CRPPA: variants seen among roughly 807,000 people sequenced by gnomAD.
CRPPA encodes D-ribitol-5-phosphate cytidylyltransferase.
CRPPA carries 43 observed loss-of-function variants against 52.0 expected under a neutral mutation model. That is an observed-to-expected ratio of 0.83 (90% confidence interval 0.65 to 1.07). CRPPA has a LOEUF of 1.07. Ranked by LOEUF, CRPPA falls within the 50% of genes least tolerant of loss-of-function variation. CRPPA has a pLI of 0.00. For missense variants in CRPPA, 629 were observed against 551.7 expected, an observed-to-expected ratio of 1.14 and a Z score of -1.40; for synonymous variants, 250 against 203.5, an observed-to-expected ratio of 1.23 and a Z score of -1.94.
At chr7:16,390,204 T>G (rs1011736532) in intron 2 of CRPPA, among the ~76,000 whole-genome samples, 1 of 151,908 alleles carries the variant, frequency 6.6e-6, no homozygotes, top group Non-Finnish European at 1.5e-5. Flanking sequence ...CTCCTCAATT[T>G]CCAGACTTCC....
intron 9 of CRPPA, among the ~76,000 whole-genome samples, chr7:16,201,144 T>C (rs143238977): frequency 2.0e-5 from 3 of 152,310 alleles, no homozygotes; most frequent in African/African-American, 7.2e-5. Context: ...TTAGTTTGAT[T>C]CAATTTCATA....
At chr7:16,280,962 C>G (rs1376114987) in intron 5 of CRPPA, among the ~76,000 whole-genome samples, 2 of 152,024 alleles carry the variant, frequency 1.3e-5, no homozygotes, top group South Asian at 2.1e-4. Flanking sequence ...AGAGGTTGCA[C>G]TGAGCCAAGA....
chr7:16,278,375 A>C (rs1784253919), intron 5 of CRPPA, 149 bp from the exon 6 acceptor site: 1 of 594,950 alleles, frequency 1.7e-6, no homozygotes, highest in East Asian at 2.8e-5. Context: ...ATCTGTGTAC[A>C]CACTGAGATG....
At chr7:16,242,429 C>G (rs1194095620) in intron 8 of CRPPA, among the ~76,000 whole-genome samples, 1 of 152,048 alleles carries the variant, frequency 6.6e-6, no homozygotes, top group East Asian at 1.9e-4. Context: ...ATGTTCATAT[C>G]ATATCTTTTG....
intron 3 of CRPPA, among the ~76,000 whole-genome samples, chr7:16,350,812 G>A (rs1310456036): frequency 6.6e-6 from 1 of 152,138 alleles, no homozygotes; most frequent in East Asian, 1.9e-4. Context: ...AAGGCGTAGA[G>A]TGTGGCTTAA....
At chr7:16,152,764 C>G (rs1003911900) in intron 9 of CRPPA, among the ~76,000 whole-genome samples, 1 of 151,844 alleles carries the variant, frequency 6.6e-6, no homozygotes, top group South Asian at 2.1e-4. Context: ...TTAGGCGGTT[C>G]GCAATGTAAA....
At chr7:16,409,067 A>T (rs567585432) in intron 1 of CRPPA, among the ~76,000 whole-genome samples, 170 of 152,198 alleles carry the variant, frequency 1.1e-3, no homozygotes, top group African/African-American at 3.9e-3. Flanking sequence ...ACACATAGCT[A>T]ATTTTTGTAT....
intron 3 of CRPPA, among the ~76,000 whole-genome samples, chr7:16,355,162 C>A (rs1440683391): frequency 6.6e-6 from 1 of 152,160 alleles, no homozygotes; most frequent in South Asian, 2.1e-4. Flanking sequence ...ATCCGACTAA[C>A]TTATCTTGTT....
At chr7:16,152,390 T>C (rs1362025720) in intron 9 of CRPPA, among the ~76,000 whole-genome samples, 3 of 151,954 alleles carry the variant, frequency 2.0e-5, no homozygotes, top group East Asian at 3.8e-4. Context: ...ATTTGAACTA[T>C]AACACACTCA....
chr7:16,206,804 C>T (rs770993153), intron 9 of CRPPA, among the ~76,000 whole-genome samples: 1 of 151,994 alleles, frequency 6.6e-6, no homozygotes, highest in Non-Finnish European at 1.5e-5. Context: ...CATTAAAATC[C>T]AGAGTCTAAA....
intron 8 of CRPPA, among the ~76,000 whole-genome samples, chr7:16,254,789 G>GA (rs1562588541): frequency 0.04 from 4,688 of 117,884 alleles, 70 homozygotes; most frequent in African/African-American, 0.046. Flanking sequence ...AAGAAAGAAA[G>GA]AAGGAAAGAA....
chr7:16,283,927 G>A (rs903008969), intron 5 of CRPPA, among the ~76,000 whole-genome samples: 1 of 151,888 alleles, frequency 6.6e-6, no homozygotes, highest in Non-Finnish European at 1.5e-5. Flanking sequence ...TAAATTGAGG[G>A]AAATACAATT....
intron 2 of CRPPA, among the ~76,000 whole-genome samples, chr7:16,396,438 G>A (rs1787570720): frequency 6.6e-6 from 1 of 152,186 alleles, no homozygotes; most frequent in Non-Finnish European, 1.5e-5. Context: ...GTGTGGATAT[G>A]CTAAAAACGG....
intron 9 of CRPPA, among the ~76,000 whole-genome samples, chr7:16,214,486 C>G (rs1406664997): frequency 6.6e-6 from 1 of 152,114 alleles, no homozygotes; most frequent in Non-Finnish European, 1.5e-5. Flanking sequence ...CTGTAATAAT[C>G]TGAGTACAAA....
At chr7:16,288,845 C>CA (rs71007760) in intron 5 of CRPPA, among the ~76,000 whole-genome samples, 14,104 of 34,726 alleles carry the variant, frequency 0.41, 3,841 homozygotes, top group East Asian at 0.59. Flanking sequence ...GACTCTGCCT[C>CA]AAAAAAAAAA....
intron 8 of CRPPA, among the ~76,000 whole-genome samples, chr7:16,253,627 G>A (rs947409660): frequency 4.6e-5 from 7 of 152,118 alleles, no homozygotes; most frequent in African/African-American, 1.7e-4. Context: ...AGGTCCGCTT[G>A]GTGCAGAGAT....
chr7:16,118,122 C>A (rs1782414162), intron 9 of CRPPA, among the ~76,000 whole-genome samples: 1 of 152,226 alleles, frequency 6.6e-6, no homozygotes, highest in African/African-American at 2.4e-5. Flanking sequence ...TAAGTACTTA[C>A]AAGGTCTCGG....
intron 5 of CRPPA, among the ~76,000 whole-genome samples, chr7:16,287,146 T>C (rs568041220): frequency 6.6e-6 from 1 of 152,262 alleles, no homozygotes; most frequent in African/African-American, 2.4e-5. Flanking sequence ...ATTTTATAGA[T>C]CAATAAAAGG....
intron 9 of CRPPA, among the ~76,000 whole-genome samples, chr7:16,195,516 C>T (rs1226563835): frequency 6.6e-6 from 1 of 152,072 alleles, no homozygotes; most frequent in Non-Finnish European, 1.5e-5. Flanking sequence ...GGAAGGGCCT[C>T]AGCTTCCCCC....
Sources: allele counts gnomAD v4.1 joint callset (sites outside exome capture counted in the v4.1 genomes callset), GRCh38; gene constraint gnomAD v4.1.1; transcripts MANE v1.5; gene names NCBI Gene and HGNC (gene_info 2026-07-23, HGNC 2026-07-21).